ITGA11: variants seen among roughly 807,000 people sequenced by gnomAD.
ITGA11 encodes the protein integrin alpha-11.
In ITGA11, 97 loss-of-function variants were observed where a neutral mutation model predicts 141.9. The observed-to-expected ratio is 0.68, with a 90% confidence interval of 0.58 to 0.81. The LOEUF is 0.81. Ranked by LOEUF, ITGA11 falls within the 30% of genes least tolerant of loss-of-function variation. ITGA11 has a pLI of 0.00. For synonymous variants in ITGA11, 658 were observed against 624.6 expected (o/e 1.05, Z -0.80); for missense variants, 1,387 against 1,559.2 (o/e 0.89, Z 1.86).
Position 68,376,575 on chromosome 15 carries a change from G to A in ITGA11, c.165-7291C>T, listed in dbSNP as rs186586441. On this transcript the variant is annotated intron_variant, in intron 2 of 29. Transcript: ENST00000315757. ...TTTTGTATGAGCTGGTGAATCACCT[G>A]GCTTAGTGGGATGCCTGTGACCCAG... 3.4e-3 allele frequency among the ~76,000 whole-genome samples: 513 copies of A among 152,352 alleles called. 3 individuals carry two copies. The highest frequency in any genetic ancestry group is 6.2e-3 in the Admixed American group (95 of 15,310).
chr15:68,385,861 G>A (rs1240657791), intron 2 of ITGA11, among the ~76,000 whole-genome samples: 4 of 152,068 alleles, frequency 2.6e-5, no homozygotes, highest in Non-Finnish European at 5.9e-5. Flanking sequence ...CATGAGGCTG[G>A]GGCAAATGAT....
rs148371930 is a variant in ITGA11 at position 68,309,655 on chromosome 15, C to T, written c.3174+1339G>A. On this transcript the variant is annotated intron_variant, in intron 26 of 29. Transcript: ENST00000315757. Reference sequence around the variant, plus strand: ...TGTTGCCCAGGCTGGAGTACAGTGGCGCCAACTTGGCTCATTGCAACGTCT... The same window carrying T: ...TGTTGCCCAGGCTGGAGTACAGTGGTGCCAACTTGGCTCATTGCAACGTCT... 2.7e-3 allele frequency among the ~76,000 whole-genome samples: 367 copies of T among 135,856 alleles called. 2 individuals carry two copies. The highest frequency in any genetic ancestry group is 9.6e-3 in the African/African-American group (343 of 35,788). The allele number at this position is 135,856 out of a possible 152,430, so 89.1% of individuals were successfully genotyped here.
At chr15:68,405,159 C>CTTTTTTTTTTTTTTT (rs201537337) in intron 1 of ITGA11, among the ~76,000 whole-genome samples, 1 of 118,942 alleles carries the variant, frequency 8.4e-6, no homozygotes, top group Non-Finnish European at 1.7e-5. Flanking sequence ...CACTGTCTCC[C>CTTTTTTTTTTTTTTT]TTTTTTTTTT....
At chr15:68,402,123 A>G (rs1896527222) in intron 2 of ITGA11, among the ~76,000 whole-genome samples, 1 of 152,042 alleles carries the variant, frequency 6.6e-6, no homozygotes, top group African/African-American at 2.4e-5. Context: ...TAGAACATTG[A>G]TCACGAGTGT....
rs554011615 is a variant in ITGA11, at chr15:68,307,801, A to G, written c.3175-105T>C. On this transcript the variant is annotated intron_variant, in intron 26 of 29. Transcript: ENST00000315757. This position sits in a 1 kb window ranked among gnomAD's most constrained non-coding sequence, Gnocchi z 6.1. The stretch of plus-strand genomic sequence containing the variant: ...GCTCTGCTCCTGGGGGCAGGGGCAG[A>G]GGACAGGGGACAAAGAGAAAGTTGG... 2.0e-5 allele frequency: 14 copies of G among 709,054 alleles called. No homozygotes were observed. In the East Asian group the frequency reaches 2.1e-4, roughly 11 times the overall value. The allele number at this position is 709,054 out of a possible 1,614,324, so 43.9% of individuals were successfully genotyped here. A position where few individuals can be genotyped will look rare whatever the true frequency, so the allele number is the denominator to read the frequency against.
chr15:68,374,064 T>C (rs1044154879), intron 2 of ITGA11, among the ~76,000 whole-genome samples: 3 of 152,194 alleles, frequency 2.0e-5, no homozygotes, highest in Non-Finnish European at 4.4e-5. Flanking sequence ...TTAAAATTAC[T>C]CTTAGAAATT....
chr15:68,374,025 G>C (rs1268952279), intron 2 of ITGA11, among the ~76,000 whole-genome samples: 1 of 152,172 alleles, frequency 6.6e-6, no homozygotes, highest in African/African-American at 2.4e-5. Flanking sequence ...CTAATGTTTA[G>C]AGTGTACAAG....
Position 68,302,786 on chromosome 15 carries a change from C to G in ITGA11, c.*273G>C. On this transcript the variant is annotated 3_prime_UTR_variant, in exon 30 of 30. Transcript: ENST00000315757. Reference sequence around the variant, plus strand: ...GCCCTCCACAGAGCCTGAGGGAGGCCTTGGCATGGGCCTGGGTGTGTGTAG... The same window carrying G: ...GCCCTCCACAGAGCCTGAGGGAGGCGTTGGCATGGGCCTGGGTGTGTGTAG... 2.5e-6 allele frequency: 1 copy of G among 400,010 alleles called. No homozygotes were observed. The highest frequency in any genetic ancestry group is 4.4e-6 in the Non-Finnish European group (1 of 225,932). The allele number at this position is 400,010 out of a possible 1,614,324, so 24.8% of individuals were successfully genotyped here.
At chr15:68,341,054 G>A (rs1285167809) in intron 10 of ITGA11, among the ~76,000 whole-genome samples, 4 of 152,174 alleles carry the variant, frequency 2.6e-5, no homozygotes, top group South Asian at 2.1e-4. Flanking sequence ...GATTCCCACC[G>A]CTTTACAGAG....
intron 1 of ITGA11, among the ~76,000 whole-genome samples, chr15:68,408,825 G>T (rs945369416): frequency 1.3e-5 from 2 of 152,170 alleles, no homozygotes; most frequent in Non-Finnish European, 2.9e-5. Context: ...AGTCAGGCCA[G>T]ACATGAAGAG....
Position 68,347,115 on chromosome 15 carries a change from G to A in ITGA11, c.1131+1715C>T, listed in dbSNP as rs193275177. Among the ~76,000 whole-genome samples, 15 of 152,292 alleles carry A rather than the reference G, an allele frequency of 9.8e-5. No individual in the cohort carries two copies. The East Asian group carries it at 2.5e-3, about 25-fold the overall frequency. On this transcript the variant is annotated intron_variant, in intron 10 of 29. Transcript: ENST00000315757. Reference sequence around the variant, plus strand: ...TAATTAAATTGCATTTCCTTGTTGCGTTTTCTAATCAGCTCTGACGTCAGA... The same window carrying A: ...TAATTAAATTGCATTTCCTTGTTGCATTTTCTAATCAGCTCTGACGTCAGA...
intron 2 of ITGA11, among the ~76,000 whole-genome samples, chr15:68,393,894 A>T (rs1047898957): frequency 1.3e-5 from 2 of 152,216 alleles, no homozygotes; most frequent in Non-Finnish European, 2.9e-5. Flanking sequence ...CAAAGGTAAA[A>T]TATATGACAA....
At chr15:68,323,734 G>A (rs995830513) in intron 18 of ITGA11, among the ~76,000 whole-genome samples, 10 of 152,200 alleles carry the variant, frequency 6.6e-5, no homozygotes, top group East Asian at 1.9e-4. Context: ...CAGCTCTCCC[G>A]GAATAAAAGC....
At position 68,333,262 on chromosome 15, in the gene ITGA11, G is replaced by C. The variant is rs748529226; in HGVS notation, c.1426-784C>G. Among the ~76,000 whole-genome samples, 23 of 152,122 alleles carry C rather than the reference G, an allele frequency of 1.5e-4. No individual in the cohort carries two copies. Among genetic ancestry groups the C allele is most frequent in the Admixed American group, 3.9e-4 (6 of 15,258 alleles). ...CCACAGGCACTTACCACCGCTCCTGGCTGTTTTAAAAAATTATTTGTAGAG... is the reference window on the plus strand; with the variant it reads ...CCACAGGCACTTACCACCGCTCCTGCCTGTTTTAAAAAATTATTTGTAGAG... On this transcript the variant is annotated intron_variant, in intron 12 of 29. Transcript: ENST00000315757. This position sits in a 1 kb window ranked among gnomAD's most constrained non-coding sequence, Gnocchi z 4.2.
intron 1 of ITGA11, among the ~76,000 whole-genome samples, chr15:68,404,380 G>C (rs28584322): frequency 0.011 from 1,644 of 152,188 alleles, 32 homozygotes; most frequent in African/African-American, 0.038. Context: ...TGGCCCCAAG[G>C]GTCGCCCCTG....
At chr15:68,354,208 T>C (rs1895000323) in intron 7 of ITGA11, among the ~76,000 whole-genome samples, 1 of 152,170 alleles carries the variant, frequency 6.6e-6, no homozygotes, top group African/African-American at 2.4e-5. Flanking sequence ...CTCTCTAGAA[T>C]GTCAGCTCAC....
At chr15:68,320,948 T>C (rs1893785231) in intron 19 of ITGA11, among the ~76,000 whole-genome samples, 1 of 152,170 alleles carries the variant, frequency 6.6e-6, no homozygotes, top group African/African-American at 2.4e-5. Flanking sequence ...CCCTTGTATG[T>C]TCGTTTGTCT....
In ITGA11 at chr15:68,311,072, C is replaced by G; in HGVS notation, c.3096G>C (p.Thr1032=). Residue 1032 remains threonine, a synonymous_variant, in exon 26 of 30, where the codon ACG becomes ACC. Coordinates refer to ENST00000315757, the MANE Select transcript of ITGA11 (RefSeq NM_001004439.2). ...LRDFLTDEAN[T]SCNIWGNSTE... ...TGCTATTGCCCCAGATGTTACAGGA[C>G]GTGTTCGCCTACATAAAGGACATGG... The G allele has an allele frequency of 2.5e-6, 4 of 1,607,304 alleles. No homozygotes were observed. The highest frequency in any genetic ancestry group is 2.5e-6 in the Non-Finnish European group (3 of 1,176,718).
intron 2 of ITGA11, among the ~76,000 whole-genome samples, chr15:68,398,906 A>T (rs980276717): frequency 6.6e-6 from 1 of 151,208 alleles, no homozygotes. Context: ...ATTGAGAGAA[A>T]TTTTTAAAAA....
Sources: allele counts gnomAD v4.1 joint callset (sites outside exome capture counted in the v4.1 genomes callset), GRCh38; gene constraint gnomAD v4.1.1; non-coding constraint Gnocchi (gnomAD v3.1); transcripts MANE v1.5; gene names NCBI Gene and HGNC (gene_info 2026-07-23, HGNC 2026-07-21).